Variants in SLC25A19 observed in about 807,000 individuals in gnomAD.
SLC25A19 encodes mitochondrial thiamine pyrophosphate carrier.
SLC25A19 carries 18 observed loss-of-function variants against 27.9 expected under a neutral mutation model. That is an observed-to-expected ratio of 0.64 (90% CI 0.45 to 0.96). The LOEUF is 0.96. SLC25A19 is among the 40% of genes least tolerant of loss of function. The pLI is 0.00. For missense variants in SLC25A19, 371 were observed against 418.3 expected, an observed-to-expected ratio of 0.89 and a Z score of 0.99; for synonymous variants, 169 against 167.1, an observed-to-expected ratio of 1.01 and a Z score of -0.09.
chr17:75,279,251 G>A (rs2077975772), intron 5 of SLC25A19, among the ~76,000 whole-genome samples: 1 of 151,872 alleles, frequency 6.6e-6, no homozygotes, highest in Middle Eastern at 3.2e-3. Flanking sequence ...TCAGGGAGCG[G>A]CTGGGTATTT....
intron 5 of SLC25A19, among the ~76,000 whole-genome samples, chr17:75,280,179 C>T (rs2078004403): frequency 6.6e-6 from 1 of 151,948 alleles, no homozygotes; most frequent in Admixed American, 6.6e-5. Context: ...ACAGCCTGGG[C>T]AACATGGTGA....
chr17:75,281,787 C>T (rs1340223479), intron 5 of SLC25A19, among the ~76,000 whole-genome samples: 2 of 152,162 alleles, frequency 1.3e-5, no homozygotes, highest in African/African-American at 4.8e-5. Context: ...TGATCCAGCC[C>T]ACTGCTGGGT....
At chr17:75,273,892 C>G (rs1037537328) in intron 7 of SLC25A19, 1 of 423,560 alleles carries the variant, frequency 2.4e-6, no homozygotes, top group Non-Finnish European at 4.4e-6. Flanking sequence ...TCCTGAGTAG[C>G]TGGGATTACA....
Position 75,283,603 on chromosome 17 carries a change from TA to T in SLC25A19, c.289-11del. 1.2e-6 allele frequency: 2 copies of T among 1,612,304 alleles called. No individual in the cohort carries two copies. The highest frequency in any genetic ancestry group is 1.7e-6 in the Non-Finnish European group (2 of 1,179,160). On this transcript the variant is annotated splice_polypyrimidine_tract_variant and intron_variant, in intron 4 of 7. Transcript: ENST00000416858. ...TTTCAAATGACAAGAACTGCAAGAG[TA>T]AGTGAAGAAGTCACCGACAGCCCAA...
intron 7 of SLC25A19, among the ~76,000 whole-genome samples, chr17:75,276,515 C>G (rs1002889695): frequency 1.8e-4 from 27 of 151,554 alleles, no homozygotes; most frequent in Middle Eastern, 3.4e-3. Context: ...CTACAGGCGC[C>G]CACCACCATA....
At chr17:75,282,498 G>T (rs1331751454) in intron 5 of SLC25A19, among the ~76,000 whole-genome samples, 1 of 152,090 alleles carries the variant, frequency 6.6e-6, no homozygotes, top group East Asian at 1.9e-4. Flanking sequence ...GCAGTGAGCC[G>T]AGATCTGGCC....
chr17:75,282,782 G>A (rs1463352361), intron 5 of SLC25A19, among the ~76,000 whole-genome samples: 1 of 151,558 alleles, frequency 6.6e-6, no homozygotes, highest in African/African-American at 2.4e-5. Flanking sequence ...AACCCAGGAG[G>A]CGGAGCTTGC....
intron 5 of SLC25A19, among the ~76,000 whole-genome samples, chr17:75,282,742 C>T (rs965185488): frequency 6.6e-6 from 1 of 151,452 alleles, no homozygotes; most frequent in Non-Finnish European, 1.5e-5. Context: ...GTCCCAGCTA[C>T]TCGGGAGGCT....
Position 75,289,429 on chromosome 17 carries a change from C to T in SLC25A19, c.-204G>A, listed in dbSNP as rs2078260030. The stretch of plus-strand genomic sequence containing the variant: ...CTCGCGCAGTCTTAACAGCAAAACT[C>T]TACTGAGCTCGGACGAAACTGGCGG... On this transcript the variant is annotated 5_prime_UTR_variant, in exon 1 of 8. Coordinates refer to ENST00000416858, the MANE Select transcript of SLC25A19 (RefSeq NM_001126121.2). The T allele has an allele frequency of 1.3e-5, 2 of 152,284 alleles. No individual in the cohort carries two copies. The highest frequency in any genetic ancestry group is 2.4e-5 in the African/African-American group (1 of 41,446). 9.4% of individuals were successfully genotyped at this position (152,284 alleles called of 1,614,324 possible).
At chr17:75,281,834 T>C (rs2078045706) in intron 5 of SLC25A19, among the ~76,000 whole-genome samples, 1 of 152,208 alleles carries the variant, frequency 6.6e-6, no homozygotes, top group African/African-American at 2.4e-5. Context: ...AGGTTCTGTC[T>C]TCCAGGGAGG....
rs938262514 is a variant in SLC25A19 at position 75,273,358 on chromosome 17, C to T, written c.*93G>A. 7 of 1,429,672 alleles carry T rather than the reference C, an allele frequency of 4.9e-6. No individual in the cohort carries two copies. The African/African-American group carries it at 5.6e-5, about 11-fold the overall frequency. The allele number at this position is 1,429,672 out of a possible 1,614,324, so 88.6% of individuals were successfully genotyped here. A position where few individuals can be genotyped will look rare whatever the true frequency, so the allele number is the denominator to read the frequency against. On this transcript the variant is annotated 3_prime_UTR_variant, in exon 8 of 8. Coordinates refer to ENST00000416858, the MANE Select transcript of SLC25A19 (RefSeq NM_001126121.2). ...TACCCCGCTTGGGGCAGCTGGCCTG[C>T]AGGGAAGGGCCAGACGGCACCTCTC...
At chr17:75,284,494 GCT>G (rs1443504924) in intron 4 of SLC25A19, among the ~76,000 whole-genome samples, 3 of 152,164 alleles carry the variant, frequency 2.0e-5, no homozygotes, top group East Asian at 1.9e-4. Flanking sequence ...AGACGGCCAT[GCT>G]CTGATTCCTG....
At chr17:75,282,145 G>A (rs940061199) in intron 5 of SLC25A19, among the ~76,000 whole-genome samples, 2 of 152,006 alleles carry the variant, frequency 1.3e-5, no homozygotes, top group South Asian at 2.1e-4. Flanking sequence ...CTCAGCTACC[G>A]GGGAGGCTGA....
intron 4 of SLC25A19, among the ~76,000 whole-genome samples, chr17:75,286,041 C>T (rs1252543949): frequency 1.3e-5 from 2 of 152,178 alleles, no homozygotes; most frequent in East Asian, 1.9e-4. Context: ...TGCTGTCCTT[C>T]GCCAAGCCTC....
In SLC25A19 at chr17:75,277,425, T is replaced by C. The variant is rs1304802547; in HGVS notation, c.702A>G (p.Thr234=). The C allele has an allele frequency of 6.2e-7, 1 of 1,614,112 alleles. No homozygotes were observed. Among genetic ancestry groups the C allele is most frequent in the Non-Finnish European group, 8.5e-7 (1 of 1,180,000 alleles). Residue 234 remains threonine, a synonymous_variant, in exon 7 of 8, where the codon ACA becomes ACG. Coordinates refer to ENST00000416858, the MANE Select transcript of SLC25A19 (RefSeq NM_001126121.2). The part of the protein sequence containing the change: ...SGAGVISKTL[T]YPLDLFKKRL... ...GCTTCTTGAAGAGGTCCAGCGGATA[T>C]GTCAGGGTCTTGCTGATGACACCAG...
At position 75,277,353 on chromosome 17, in the gene SLC25A19, C is replaced by T; in HGVS notation, c.774G>A (p.Gln258=). ...GTCTGCCTGGGAGTGAACGGCTCAC[C>T]TGGCCAAAGGCAGCTCTGGCATGCT... ...GFEHARAAFG[Q]VRRYKGLMDC... The change falls in exon 7 of 8, where the codon CAG becomes CAA. Residue 258 remains glutamine (Q), a splice_region_variant and synonymous_variant. Coordinates refer to ENST00000416858, the MANE Select transcript of SLC25A19 (RefSeq NM_001126121.2). 6.2e-7 allele frequency: 1 copy of T among 1,613,252 alleles called. No individual in the cohort carries two copies. The highest frequency in any genetic ancestry group is 8.5e-7 in the Non-Finnish European group (1 of 1,179,838).
intron 5 of SLC25A19, among the ~76,000 whole-genome samples, chr17:75,279,083 C>G (rs910829128): frequency 6.6e-6 from 1 of 151,712 alleles, no homozygotes; most frequent in African/African-American, 2.4e-5. Flanking sequence ...GTCTCGAACT[C>G]CTGACCTCAA....
intron 5 of SLC25A19, among the ~76,000 whole-genome samples, chr17:75,282,387 T>A (rs1453725058): frequency 1.3e-5 from 2 of 151,204 alleles, no homozygotes; most frequent in Non-Finnish European, 2.9e-5. Flanking sequence ...CTGTCTCTAC[T>A]AAAAGTACAA....
intron 6 of SLC25A19, 32 bp downstream of exon 6, chr17:75,278,120 G>C (rs1348019390): frequency 6.2e-7 from 1 of 1,610,740 alleles, no homozygotes. Flanking sequence ...GCTGGGGTGG[G>C]AGGGCTCCCT....
Sources: allele counts gnomAD v4.1 joint callset (sites outside exome capture counted in the v4.1 genomes callset), GRCh38; gene constraint gnomAD v4.1.1; transcripts MANE v1.5; gene names NCBI Gene and HGNC (gene_info 2026-07-23, HGNC 2026-07-21).